USH2A: variants seen among roughly 807,000 people sequenced by gnomAD.
The protein encoded by USH2A is Usher syndrome 2A (autosomal recessive, mild).
A neutral mutation model predicts 538.9 loss-of-function variants in USH2A; 443 were observed. The observed-to-expected ratio is 0.82, with a 90% CI of 0.76 to 0.89. The LOEUF is 0.89. Ranked by LOEUF, USH2A falls within the 40% of genes least tolerant of loss-of-function variation. The pLI, the probability that USH2A is intolerant of heterozygous loss-of-function variation, is 0.00. For missense variants in USH2A, 6,633 were observed against 6,324.8 expected, an observed-to-expected ratio of 1.05 and a Z score of -1.65; for synonymous variants, 2,413 against 2,273.5, an observed-to-expected ratio of 1.06 and a Z score of -1.75.
chr1:215,805,027 C>G (rs570236922), intron 49 of USH2A, among the ~76,000 whole-genome samples: 26 of 152,000 alleles, frequency 1.7e-4, no homozygotes, highest in Non-Finnish European at 2.9e-4. Flanking sequence ...GGCAAACTAT[C>G]GCAAGGACAA....
At chr1:216,267,021 G>C (rs772159334) in intron 11 of USH2A, among the ~76,000 whole-genome samples, 17 of 151,820 alleles carry the variant, frequency 1.1e-4, no homozygotes, top group Non-Finnish European at 2.2e-4. Flanking sequence ...TGTATAATTG[G>C]TATTTGAAGT....
At chr1:215,713,958 C>T (rs1317166890) in intron 61 of USH2A, among the ~76,000 whole-genome samples, 1 of 152,216 alleles carries the variant, frequency 6.6e-6, no homozygotes, top group African/African-American at 2.4e-5. Flanking sequence ...TGCTACTTAA[C>T]CTCTCTGAGT....
chr1:215,783,837 C>T (rs532533379), intron 52 of USH2A, among the ~76,000 whole-genome samples: 1 of 152,318 alleles, frequency 6.6e-6, no homozygotes, highest in South Asian at 2.1e-4. Flanking sequence ...CCTTGGCTGC[C>T]TGGCCACCTG....
chr1:215,975,489 G>A (rs1667599762), intron 35 of USH2A, among the ~76,000 whole-genome samples: 1 of 152,088 alleles, frequency 6.6e-6, no homozygotes, highest in African/African-American at 2.4e-5. Context: ...TCTTGAGCTA[G>A]TTTTTGTATA....
At chr1:215,845,032 C>G (rs903178102) in intron 45 of USH2A, among the ~76,000 whole-genome samples, 3 of 152,060 alleles carry the variant, frequency 2.0e-5, no homozygotes, top group African/African-American at 7.2e-5. Context: ...ATGATGAAAT[C>G]TAACATAAGA....
Position 215,674,947 on chromosome 1 carries a change from C to T in USH2A, c.12964G>A (p.Glu4322Lys). 2 of 1,614,152 alleles carry T rather than the reference C, an allele frequency of 1.2e-6. No individual in the cohort carries two copies. The highest frequency in any genetic ancestry group is 1.7e-6 in the Non-Finnish European group (2 of 1,180,036). Residue 4322 changes from glutamate to lysine, a missense_variant, in exon 63 of 72, where the codon GAG becomes AAG. By Grantham distance (56) the Glu-to-Lys change is moderately conservative. Transcript: ENST00000307340. ...DPVTFNYTDE[E>K]LLPFSTYSYA... Reference sequence around the variant, plus strand: ...CTATAGGTGGAAAAAGGAAGAAGCTCTTCATCAGTGTAATTGAAAGTCACA... The same window carrying T: ...CTATAGGTGGAAAAAGGAAGAAGCTTTTCATCAGTGTAATTGAAAGTCACA...
intron 14 of USH2A, among the ~76,000 whole-genome samples, chr1:216,224,617 G>A (rs1340741363): frequency 6.6e-6 from 1 of 152,064 alleles, no homozygotes; most frequent in Non-Finnish European, 1.5e-5. Flanking sequence ...TGTGTTGCCT[G>A]GATTTTTGTT....
intron 26 of USH2A, among the ~76,000 whole-genome samples, chr1:216,080,633 C>A (rs2031911011): frequency 6.6e-6 from 1 of 151,724 alleles, no homozygotes; most frequent in Admixed American, 6.6e-5. Context: ...AAAGAAAAAA[C>A]ACTAAGGAAA....
intron 3 of USH2A, among the ~76,000 whole-genome samples, chr1:216,388,411 T>C (rs2039043701): frequency 6.6e-6 from 1 of 152,220 alleles, no homozygotes; most frequent in African/African-American, 2.4e-5. Flanking sequence ...TTTCAGTTGT[T>C]GCTGCTAGTA....
chr1:215,987,227 C>T (rs1386214079), intron 35 of USH2A, among the ~76,000 whole-genome samples: 1 of 152,124 alleles, frequency 6.6e-6, no homozygotes, highest in African/African-American at 2.4e-5. Context: ...AGGAATATGG[C>T]TCATGAGAAT....
intron 11 of USH2A, among the ~76,000 whole-genome samples, chr1:216,269,923 T>C (rs529190318): frequency 2.6e-5 from 4 of 152,250 alleles, no homozygotes; most frequent in African/African-American, 7.2e-5. Context: ...CAGTTTTCTT[T>C]ACATTAGGAG....
chr1:216,034,005 T>C (rs1013229257), intron 32 of USH2A, among the ~76,000 whole-genome samples: 2 of 152,134 alleles, frequency 1.3e-5, no homozygotes, highest in African/African-American at 2.4e-5. Context: ...ATAAAATAAA[T>C]TCAGTTTTAA....
At chr1:216,292,152 T>A in intron 10 of USH2A, 23 bp downstream of exon 10, 2 of 1,613,514 alleles carry the variant, frequency 1.2e-6, no homozygotes, top group Non-Finnish European at 1.7e-6. Flanking sequence ...CCAAACCAAC[T>A]CAGGAATTTA....
At chr1:216,018,057 TTC>T (rs1668759348) in intron 32 of USH2A, among the ~76,000 whole-genome samples, 1 of 152,162 alleles carries the variant, frequency 6.6e-6, no homozygotes, top group African/African-American at 2.4e-5. Flanking sequence ...TTGGATTAAT[TTC>T]TCTTTTGTGC....
At chr1:216,011,318 C>A (rs1309744476) in intron 32 of USH2A, among the ~76,000 whole-genome samples, 1 of 152,072 alleles carries the variant, frequency 6.6e-6, no homozygotes, top group Non-Finnish European at 1.5e-5. Context: ...TTGGACTGAC[C>A]CTGACACCCA....
intron 55 of USH2A, among the ~76,000 whole-genome samples, chr1:215,770,941 CTAAAAAAAA>C (rs1245849245): frequency 1.6e-5 from 1 of 63,656 alleles, no homozygotes; most frequent in African/African-American, 8.1e-5. Context: ...CCCGTCTCTA[CTAAAAAAAA>C]AAAAAAAAAA....
chr1:215,696,357 C>G (rs576803911), intron 61 of USH2A, among the ~76,000 whole-genome samples: 8 of 152,188 alleles, frequency 5.3e-5, no homozygotes, highest in African/African-American at 1.9e-4. Context: ...GTAAGTGGAC[C>G]TGTTCAAACC....
chr1:216,129,098 A>G (rs1185497891), intron 21 of USH2A, among the ~76,000 whole-genome samples: 1 of 151,992 alleles, frequency 6.6e-6, no homozygotes, highest in Non-Finnish European at 1.5e-5. Flanking sequence ...TTCTTTTTTA[A>G]TGGCTGAATA....
At chr1:216,141,537 A>G (rs1412359140) in intron 21 of USH2A, among the ~76,000 whole-genome samples, 3 of 152,214 alleles carry the variant, frequency 2.0e-5, no homozygotes, top group Non-Finnish European at 2.9e-5. Flanking sequence ...CTCAGACTCC[A>G]TAAGGGTCTT....
Sources: allele counts gnomAD v4.1 joint callset (sites outside exome capture counted in the v4.1 genomes callset), GRCh38; gene constraint gnomAD v4.1.1; transcripts MANE v1.5; gene names NCBI Gene and HGNC (gene_info 2026-07-23, HGNC 2026-07-21).